Variants in INPP4B observed in about 807,000 individuals in gnomAD.
The protein encoded by INPP4B is inositol polyphosphate 4-phosphatase type II.
In INPP4B, 55 loss-of-function variants were observed where a neutral mutation model predicts 122.5. The observed-to-expected ratio is 0.45, with a 90% CI of 0.36 to 0.56. The LOEUF is 0.56. Ranked by LOEUF, INPP4B falls within the 20% of genes least tolerant of loss-of-function variation. INPP4B has a pLI of 0.00. For missense variants in INPP4B, 1,000 were observed against 1,097.7 expected (o/e 0.91, Z 1.26); for synonymous variants, 403 against 388.7 (o/e 1.04, Z -0.43).
chr4:142,068,692 A>G (rs2152470741), intron 25 of INPP4B, among the ~76,000 whole-genome samples: 1 of 152,316 alleles, frequency 6.6e-6, no homozygotes, highest in Non-Finnish European at 1.5e-5. Context: ...CTAGTCTCTG[A>G]TAAAACAGCC....
intron 2 of INPP4B, among the ~76,000 whole-genome samples, chr4:142,633,412 G>A (rs868349021): frequency 2.0e-5 from 3 of 152,082 alleles, no homozygotes; most frequent in Admixed American, 2.0e-4. Context: ...AATATAGAGC[G>A]CTTTTCCCAA....
In INPP4B at chr4:142,504,864, C is replaced by T. The variant is rs1823807814; in HGVS notation, c.-190-42138G>A. ...AAACATGGAAGAATGAACATTAGGA[C>T]AACACAAGCAAGTGTTACCTTGCTT... is the stretch of plus-strand genomic sequence containing the variant. On this transcript the variant is annotated intron_variant, in intron 2 of 25. Transcript: ENST00000262992. Among the ~76,000 whole-genome samples the T allele has an allele frequency of 2.0e-5, 3 of 151,794 alleles. No homozygotes were observed. In the South Asian group the frequency reaches 6.2e-4, roughly 32 times the overall value.
At chr4:142,590,573 A>G (rs1347774775) in intron 2 of INPP4B, among the ~76,000 whole-genome samples, 1 of 152,150 alleles carries the variant, frequency 6.6e-6, no homozygotes, top group Non-Finnish European at 1.5e-5. Flanking sequence ...CAGATTTCTC[A>G]TTGTTGGAAA....
At chr4:142,645,330 G>C (rs1029254200) in intron 2 of INPP4B, among the ~76,000 whole-genome samples, 1 of 152,162 alleles carries the variant, frequency 6.6e-6, no homozygotes, top group Admixed American at 6.5e-5. Flanking sequence ...AACAGTAGAG[G>C]CAGAAGTCAG....
chr4:142,621,106 C>A (rs981760663), intron 2 of INPP4B, among the ~76,000 whole-genome samples: 28 of 151,698 alleles, frequency 1.8e-4, no homozygotes, highest in African/African-American at 6.0e-4. Flanking sequence ...AAATGCAGGA[C>A]ATTTTAGCCC....
At chr4:142,654,720 C>T (rs143135942) in intron 2 of INPP4B, 1 of 152,132 alleles carries the variant, frequency 6.6e-6, no homozygotes, top group Non-Finnish European at 1.5e-5. Flanking sequence ...CAAAGTCAGA[C>T]CAAAGTTCCA....
intron 2 of INPP4B, among the ~76,000 whole-genome samples, chr4:142,620,511 A>G: frequency 6.6e-6 from 1 of 151,886 alleles, no homozygotes; most frequent in South Asian, 2.1e-4. Flanking sequence ...TTGAGGATGG[A>G]GTGGGGGAGG....
At chr4:142,683,698 T>C (rs1758955762) in intron 2 of INPP4B, among the ~76,000 whole-genome samples, 1 of 151,826 alleles carries the variant, frequency 6.6e-6, no homozygotes, top group Non-Finnish European at 1.5e-5. Flanking sequence ...TGTCCAGTTA[T>C]TGTGAACCTA....
At chr4:142,467,126 C>T (rs75881780) in intron 2 of INPP4B, among the ~76,000 whole-genome samples, 1 of 152,164 alleles carries the variant, frequency 6.6e-6, no homozygotes, top group African/African-American at 2.4e-5. Flanking sequence ...GATTGGAGAC[C>T]CACAAAGAGT....
At chr4:142,033,232 G>A (rs996620305) in intron 25 of INPP4B, among the ~76,000 whole-genome samples, 2 of 152,132 alleles carry the variant, frequency 1.3e-5, no homozygotes, top group Non-Finnish European at 2.9e-5. Context: ...AGGGAAGGCT[G>A]GTCCATAAAC....
rs1259181289 is a variant in INPP4B at position 142,448,349 on chromosome 4, A to AC, written c.-127+14313_-127+14314insG. On this transcript the variant is annotated intron_variant, in intron 3 of 25. Transcript: ENST00000262992. Reference sequence around the variant, plus strand: ...ATCTCCAAAAAAAAAAAAAAAAAAAAAAAACACCGAGCAAGTCTCAGTTAC... The same window carrying AC: ...ATCTCCAAAAAAAAAAAAAAAAAAAACAAAACACCGAGCAAGTCTCAGTTAC... 4.0e-5 allele frequency among the ~76,000 whole-genome samples: 6 copies of AC among 151,846 alleles called. No individual in the cohort carries two copies. The East Asian group carries it at 1.2e-3, about 29-fold the overall frequency.
intron 2 of INPP4B, among the ~76,000 whole-genome samples, chr4:142,708,164 G>A (rs534814215): frequency 2.2e-4 from 34 of 152,270 alleles, no homozygotes; most frequent in African/African-American, 7.9e-4. Context: ...TCAAGATATG[G>A]CTTGGCTGCT....
chr4:142,254,633 G>A (rs1478459079), intron 11 of INPP4B, among the ~76,000 whole-genome samples: 2 of 152,090 alleles, frequency 1.3e-5, no homozygotes, highest in Non-Finnish European at 2.9e-5. Flanking sequence ...ATGAAATGAA[G>A]TGAGAAGGGA....
chr4:142,423,297 T>C (rs923556558), intron 5 of INPP4B, among the ~76,000 whole-genome samples: 4 of 152,128 alleles, frequency 2.6e-5, no homozygotes, highest in African/African-American at 9.7e-5. Flanking sequence ...CCCTTGCAAG[T>C]TGTAAATGCT....
intron 12 of INPP4B, among the ~76,000 whole-genome samples, chr4:142,233,115 T>C (rs1311338685): frequency 6.6e-6 from 1 of 152,180 alleles, no homozygotes; most frequent in Non-Finnish European, 1.5e-5. Context: ...GCTGAGATCA[T>C]TGATGACGGT....
chr4:142,317,502 G>T, intron 7 of INPP4B: 1 of 263,572 alleles, frequency 3.8e-6, no homozygotes. Flanking sequence ...CATTATCCAG[G>T]GAGATGGTGT....
At chr4:142,494,259 A>G (rs181425842) in intron 2 of INPP4B, among the ~76,000 whole-genome samples, 21 of 152,266 alleles carry the variant, frequency 1.4e-4, no homozygotes, top group Admixed American at 5.2e-4. Flanking sequence ...GAAGATTGCA[A>G]TTTGCACCCT....
intron 25 of INPP4B, among the ~76,000 whole-genome samples, chr4:142,048,350 T>C (rs1304899770): frequency 1.3e-5 from 2 of 152,082 alleles, no homozygotes; most frequent in Admixed American, 6.6e-5. Flanking sequence ...TGGAGAGTAA[T>C]AGGTAGTATT....
chr4:142,470,963 TA>T (rs1818709182), intron 2 of INPP4B, among the ~76,000 whole-genome samples: 2 of 152,198 alleles, frequency 1.3e-5, no homozygotes, highest in Admixed American at 1.3e-4. Flanking sequence ...AGGTCACTAT[TA>T]AAAAGACGTT....
Sources: gnomAD v4.1 joint callset for allele counts (sites outside exome capture counted in the v4.1 genomes callset) on GRCh38, gnomAD v4.1.1 for gene constraint, MANE v1.5 for transcripts, NCBI Gene and HGNC (gene_info 2026-07-23, HGNC 2026-07-21) for gene names.